MTHFD2L: variants seen among roughly 807,000 people sequenced by gnomAD.
MTHFD2L encodes the protein methylenetetrahydrofolate dehydrogenase (NADP+ dependent) 2 like, also known as bifunctional methylenetetrahydrofolate dehydrogenase/cyclohydrolase 2, mitochondrial.
MTHFD2L carries 29 observed loss-of-function variants against 34.9 expected under a neutral mutation model. The observed-to-expected ratio is 0.83, with a 90% CI of 0.62 to 1.13. The LOEUF is 1.13. MTHFD2L is among the 50% of genes most tolerant of loss of function. The pLI, the probability that MTHFD2L is intolerant of heterozygous loss-of-function variation, is 0.00. For missense variants in MTHFD2L, 481 were observed against 446.5 expected (o/e 1.08, Z -0.70); for synonymous variants, 167 against 155.7 (o/e 1.07, Z -0.54).
chr4:74,147,401 G>T (rs1482924207), intron 1 of MTHFD2L, among the ~76,000 whole-genome samples: 1 of 152,162 alleles, frequency 6.6e-6, no homozygotes, highest in East Asian at 1.9e-4. Context: ...AGGGGTTCTT[G>T]TCTAGGGGAT....
intron 2 of MTHFD2L, among the ~76,000 whole-genome samples, chr4:74,116,232 T>C (rs1394538017): frequency 6.6e-6 from 1 of 152,158 alleles, no homozygotes; most frequent in African/African-American, 2.4e-5. Context: ...CAAAGGAGTA[T>C]ACCTGGGAGC....
At chr4:74,207,788 C>T (rs533493739) in intron 5 of MTHFD2L, among the ~76,000 whole-genome samples, 1 of 78,980 alleles carries the variant, frequency 1.3e-5, no homozygotes, top group Non-Finnish European at 2.4e-5. Flanking sequence ...TTTTTGCCAG[C>T]CTGGAAGTTT....
intron 7 of MTHFD2L, among the ~76,000 whole-genome samples, chr4:74,300,236 T>G (rs1750126863): frequency 6.6e-6 from 1 of 152,044 alleles, no homozygotes; most frequent in South Asian, 2.1e-4. Context: ...AGAAAATTCA[T>G]AACACATGTT....
intron 6 of MTHFD2L, among the ~76,000 whole-genome samples, chr4:74,234,796 A>AATGTGT (rs1553915436): frequency 8.0e-4 from 120 of 149,538 alleles, no homozygotes; most frequent in African/African-American, 2.9e-3. Context: ...AAAAGGAGAC[A>AATGTGT]GTGTGTGTGT....
At chr4:74,262,228 CAAAT>C (rs1744766763) in intron 6 of MTHFD2L, among the ~76,000 whole-genome samples, 1 of 151,770 alleles carries the variant, frequency 6.6e-6, no homozygotes, top group African/African-American at 2.4e-5. Context: ...CCCATACATA[CAAAT>C]ATATTTCAGA....
chr4:74,268,332 A>G (rs1578665991), intron 6 of MTHFD2L: 2 of 819,298 alleles, frequency 2.4e-6, no homozygotes, highest in Middle Eastern at 1.3e-3. Flanking sequence ...ATCTTTATTT[A>G]TGTAGTAGGA....
intron 1 of MTHFD2L, among the ~76,000 whole-genome samples, chr4:74,144,834 A>T (rs1458002596): frequency 6.6e-6 from 1 of 152,194 alleles, no homozygotes; most frequent in East Asian, 1.9e-4. Context: ...CAAGCACAGT[A>T]GCAGATCAAT....
intron 6 of MTHFD2L, among the ~76,000 whole-genome samples, chr4:74,230,936 A>G (rs1739953954): frequency 6.6e-6 from 1 of 151,990 alleles, no homozygotes; most frequent in South Asian, 2.1e-4. Flanking sequence ...ATCTGAGTAA[A>G]CTCTGAAACT....
chr4:74,246,836 G>C (rs370938571), intron 6 of MTHFD2L, among the ~76,000 whole-genome samples: 1 of 152,080 alleles, frequency 6.6e-6, no homozygotes, highest in African/African-American at 2.4e-5. Flanking sequence ...CCATTGATCT[G>C]TATCTCTGTT....
At chr4:74,283,037 T>C (rs1347939750) in intron 7 of MTHFD2L, among the ~76,000 whole-genome samples, 1 of 152,200 alleles carries the variant, frequency 6.6e-6, no homozygotes, top group African/African-American at 2.4e-5. Flanking sequence ...ATTCTGTTTC[T>C]TGATAACATT....
chr4:74,282,887 G>T (rs982918009), intron 7 of MTHFD2L, among the ~76,000 whole-genome samples: 2 of 152,038 alleles, frequency 1.3e-5, no homozygotes, highest in Admixed American at 6.6e-5. Context: ...GAAATCACTA[G>T]GGAATGACCT....
At chr4:74,233,896 T>C (rs370960303) in intron 6 of MTHFD2L, among the ~76,000 whole-genome samples, 2 of 152,036 alleles carry the variant, frequency 1.3e-5, no homozygotes, top group East Asian at 1.9e-4. Flanking sequence ...CATGGTTAGC[T>C]GAGGTTGATT....
At chr4:74,300,717 G>A (rs1381530271) in intron 7 of MTHFD2L, among the ~76,000 whole-genome samples, 1 of 151,998 alleles carries the variant, frequency 6.6e-6, no homozygotes, top group South Asian at 2.1e-4. Context: ...AGAGTTATCT[G>A]CCATTTTCTT....
intron 6 of MTHFD2L, among the ~76,000 whole-genome samples, chr4:74,236,816 T>A (rs1271429844): frequency 1.3e-5 from 2 of 152,250 alleles, no homozygotes; most frequent in East Asian, 3.8e-4. Flanking sequence ...ATCAAGAGAC[T>A]CCAATAAATG....
At chr4:74,267,956 C>G (rs1745519096) in intron 6 of MTHFD2L, 1 of 985,266 alleles carries the variant, frequency 1.0e-6, no homozygotes. Context: ...CCTGGTACCA[C>G]AAGGAATAGA....
intron 1 of MTHFD2L, among the ~76,000 whole-genome samples, chr4:74,169,114 A>G (rs1727367629): frequency 6.6e-6 from 1 of 152,182 alleles, no homozygotes; most frequent in Admixed American, 6.5e-5. Flanking sequence ...TCAGAGACCT[A>G]ACTCCTAATT....
intron 6 of MTHFD2L, among the ~76,000 whole-genome samples, chr4:74,244,862 A>G (rs1390835715): frequency 2.0e-5 from 3 of 152,110 alleles, no homozygotes; most frequent in Non-Finnish European, 1.5e-5. Flanking sequence ...TTTTCCAACT[A>G]CATATGCATA....
At chr4:74,159,926 G>T in intron 1 of MTHFD2L, 2 of 357,224 alleles carry the variant, frequency 5.6e-6, no homozygotes, top group Non-Finnish European at 9.0e-6. Context: ...CGCCCTCTTT[G>T]TACTGAATAC....
At chr4:74,221,920 A>T (rs1738264858) in intron 5 of MTHFD2L, among the ~76,000 whole-genome samples, 1 of 151,854 alleles carries the variant, frequency 6.6e-6, no homozygotes, top group Admixed American at 6.6e-5. Context: ...GTGGCTACTG[A>T]TACTCTAGTA....
Sources: allele counts gnomAD v4.1 joint callset (sites outside exome capture counted in the v4.1 genomes callset), GRCh38; gene constraint gnomAD v4.1.1; transcripts MANE v1.5; gene names NCBI Gene and HGNC (gene_info 2026-07-23, HGNC 2026-07-21).